Variants in LMBRD1 observed in about 807,000 individuals in gnomAD.
The protein encoded by LMBRD1 is lysosomal cobalamin transport escort protein LMBD1.
Under a neutral mutation model 74.8 loss-of-function variants are expected in LMBRD1, and 64 were observed. That is an observed-to-expected ratio of 0.86 (90% CI 0.70 to 1.05). The LOEUF (loss-of-function observed/expected upper bound fraction) is 1.05, where lower values mean the gene tolerates loss of function less well. Among genes scored for constraint, LMBRD1 ranks in the 50% least tolerant of loss-of-function variants. LMBRD1 has a pLI of 0.00. For synonymous variants in LMBRD1, 204 were observed against 216.3 expected (o/e 0.94, Z 0.50); for missense variants, 652 against 645.9 (o/e 1.01, Z -0.10).
chr6:69,737,986 T>G lies in LMBRD1; in HGVS notation c.592A>C (p.Ser198Arg). ...HGLAALSFSI[S>R]SLTLIGMLAA... ...AACATTCCAATCAAGGTCAGAGAACTGATAGAAAATGACAATGCAGCTAAA... is the reference window on the plus strand; with the variant it reads ...AACATTCCAATCAAGGTCAGAGAACGGATAGAAAATGACAATGCAGCTAAA... Residue 198 changes from serine (S) to arginine (R), a missense_variant, in exon 7 of 16, where the codon AGT becomes CGT. Physicochemically the swap from Ser to Arg is moderately radical, Grantham distance 110 (BLOSUM62 -1). This residue lies in a region of LMBRD1 where 598 missense variants were observed against 581.8 expected (regional missense o/e 1.03). Coordinates refer to ENST00000649934, the MANE Select transcript of LMBRD1 (RefSeq NM_018368.4). 6.2e-7 allele frequency: 1 copy of G among 1,610,430 alleles called. No individual in the cohort carries two copies. The highest frequency in any genetic ancestry group is 8.5e-7 in the Non-Finnish European group (1 of 1,177,802).
chr6:69,782,082 G>A (rs1228777954), intron 2 of LMBRD1, among the ~76,000 whole-genome samples: 3 of 152,268 alleles, frequency 2.0e-5, no homozygotes, highest in South Asian at 2.1e-4. Flanking sequence ...AAATGTGGAG[G>A]GAAAGCCATC....
At chr6:69,793,863 G>C (rs957695359) in intron 1 of LMBRD1, among the ~76,000 whole-genome samples, 12 of 151,826 alleles carry the variant, frequency 7.9e-5, no homozygotes, top group African/African-American at 2.4e-4. Flanking sequence ...GGAACCTCAG[G>C]CATTTGCCAC....
At chr6:69,779,323 T>A (rs1478150156) in intron 3 of LMBRD1, among the ~76,000 whole-genome samples, 1 of 152,114 alleles carries the variant, frequency 6.6e-6, no homozygotes, top group East Asian at 1.9e-4. Flanking sequence ...AAAAATGACA[T>A]CCTTCTCCTA....
chr6:69,773,563 G>A (rs950183364), intron 3 of LMBRD1, among the ~76,000 whole-genome samples: 38 of 152,166 alleles, frequency 2.5e-4, no homozygotes, highest in African/African-American at 8.2e-4. Context: ...AAAGCTTCCC[G>A]GTCCATCTTA....
intron 3 of LMBRD1, among the ~76,000 whole-genome samples, chr6:69,757,462 A>T (rs1377324173): frequency 6.6e-6 from 1 of 152,204 alleles, no homozygotes; most frequent in Non-Finnish European, 1.5e-5. Flanking sequence ...ACTGCTCTAA[A>T]TATTTGTTTC....
At chr6:69,747,593 G>A (rs1484877946) in intron 5 of LMBRD1, among the ~76,000 whole-genome samples, 1 of 152,116 alleles carries the variant, frequency 6.6e-6, no homozygotes, top group Non-Finnish European at 1.5e-5. Context: ...TGCAGAGTAA[G>A]AACCTGCTCC....
At chr6:69,686,048 T>C (rs1343353316) in intron 14 of LMBRD1, among the ~76,000 whole-genome samples, 2 of 152,090 alleles carry the variant, frequency 1.3e-5, no homozygotes, top group African/African-American at 2.4e-5. Context: ...TCTTAGTAAC[T>C]GATTAGGTGT....
intron 5 of LMBRD1, among the ~76,000 whole-genome samples, chr6:69,744,730 C>T (rs1007967234): frequency 1.3e-5 from 2 of 152,142 alleles, no homozygotes; most frequent in Non-Finnish European, 2.9e-5. Context: ...AGTTCCAATG[C>T]TCACCTGAAC....
At chr6:69,796,388 GACAAGTAA>G (rs1233582643) in intron 1 of LMBRD1, among the ~76,000 whole-genome samples, 1 of 152,066 alleles carries the variant, frequency 6.6e-6, no homozygotes, top group Non-Finnish European at 1.5e-5. Flanking sequence ...CAGAGAAGGT[GACAAGTAA>G]ACAACGCCAG....
intron 2 of LMBRD1, among the ~76,000 whole-genome samples, chr6:69,786,366 A>C (rs1213469252): frequency 1.3e-5 from 2 of 152,236 alleles, no homozygotes; most frequent in Non-Finnish European, 2.9e-5. Flanking sequence ...GAACAGGAGT[A>C]AGATATGAAC....
intron 2 of LMBRD1, 71 bp from the exon 3 acceptor site, chr6:69,780,625 AATAC>A: frequency 9.2e-7 from 1 of 1,081,470 alleles, no homozygotes; most frequent in Admixed American, 1.7e-5. Context: ...GTCAAGTTTT[AATAC>A]GACTGAATAT....
chr6:69,780,468 A>T, intron 3 of LMBRD1, 26 bp downstream of exon 3: 1 of 1,563,146 alleles, frequency 6.4e-7, no homozygotes, highest in Non-Finnish European at 8.8e-7. Flanking sequence ...CAGTCCAAAT[A>T]GGGAAAGAAA....
chr6:69,711,476 G>T (rs1766382862), intron 9 of LMBRD1, among the ~76,000 whole-genome samples: 1 of 152,050 alleles, frequency 6.6e-6, no homozygotes, highest in Admixed American at 6.6e-5. Flanking sequence ...ATATATAAAA[G>T]AAGGCAGCTG....
At chr6:69,756,373 A>AG (rs2149880071) in intron 3 of LMBRD1, among the ~76,000 whole-genome samples, 1 of 152,116 alleles carries the variant, frequency 6.6e-6, no homozygotes, top group East Asian at 1.9e-4. Context: ...AAAAAAAAAA[A>AG]AAAGAAAAAG....
At position 69,697,510 on chromosome 6, in the gene LMBRD1, C is replaced by A. The variant is rs1361240975; in HGVS notation, c.1417+53G>T. Reference sequence around the variant, plus strand: ...ATCAAATGATTAACACAGCAAAATGCCAGGAAATTCTTTTCCTAAAAAGTT... The same window carrying A: ...ATCAAATGATTAACACAGCAAAATGACAGGAAATTCTTTTCCTAAAAAGTT... On this transcript the variant is annotated intron_variant, in intron 14 of 15. Transcript: ENST00000649934. 5 of 1,219,914 alleles carry A rather than the reference C, an allele frequency of 4.1e-6. No homozygotes were observed. In the African/African-American group the frequency reaches 7.4e-5, roughly 18 times the overall value. The allele number at this position is 1,219,914 out of a possible 1,614,324, so 75.6% of individuals were successfully genotyped here.
At chr6:69,737,211 T>G (rs933799095) in intron 7 of LMBRD1, among the ~76,000 whole-genome samples, 2 of 152,114 alleles carry the variant, frequency 1.3e-5, no homozygotes, top group African/African-American at 4.8e-5. Context: ...AACATAAACT[T>G]CATTAATCTG....
intron 2 of LMBRD1, among the ~76,000 whole-genome samples, chr6:69,788,195 G>C (rs759077417): frequency 3.3e-5 from 5 of 151,994 alleles, no homozygotes; most frequent in African/African-American, 4.8e-5. Flanking sequence ...TATGTATAAA[G>C]ATGAAATGTT....
At chr6:69,781,287 G>A (rs1765831031) in intron 2 of LMBRD1, among the ~76,000 whole-genome samples, 1 of 152,088 alleles carries the variant, frequency 6.6e-6, no homozygotes, top group Admixed American at 6.5e-5. Flanking sequence ...CAGAACTAAG[G>A]TACAATGTCA....
At chr6:69,778,009 C>T (rs1194210384) in intron 3 of LMBRD1, among the ~76,000 whole-genome samples, 1 of 152,214 alleles carries the variant, frequency 6.6e-6, no homozygotes, top group Non-Finnish European at 1.5e-5. Flanking sequence ...CTTTCAGGGT[C>T]CTAGCTGTAG....
Sources: gnomAD v4.1 joint callset for allele counts (sites outside exome capture counted in the v4.1 genomes callset) on GRCh38, gnomAD v4.1.1 for gene constraint, gnomAD v4.1.1 regional missense constraint, MANE v1.5 for transcripts, NCBI Gene and HGNC (gene_info 2026-07-23, HGNC 2026-07-21) for gene names.